TBXAS1: variants seen among roughly 807,000 people sequenced by gnomAD.
TBXAS1 encodes the protein thromboxane-A synthase.
Under a neutral mutation model 60.7 loss-of-function variants are expected in TBXAS1, and 48 were observed. The ratio of observed to expected loss-of-function variants is 0.79; its 90% CI spans 0.63 to 1.01. TBXAS1 has a LOEUF of 1.01. TBXAS1 is among the 50% of genes least tolerant of loss of function. The probability of loss-of-function intolerance (pLI) is 0.00; values close to 1 mark genes in which losing one functional copy is unlikely to be tolerated. For synonymous variants in TBXAS1, 287 were observed against 269.7 expected, an observed-to-expected ratio of 1.06 and a Z score of -0.63; for missense variants, 685 against 686.3, an observed-to-expected ratio of 1.00 and a Z score of 0.02.
chr7:139,850,167 C>T (rs192496692), intron 1 of TBXAS1, among the ~76,000 whole-genome samples: 11 of 152,296 alleles, frequency 7.2e-5, no homozygotes, highest in Middle Eastern at 3.4e-3. Context: ...CTTGCCTCCA[C>T]GCTCCTTCTC....
chr7:140,001,918 TCA>T (rs1039049886), intron 9 of TBXAS1, among the ~76,000 whole-genome samples: 7 of 152,206 alleles, frequency 4.6e-5, no homozygotes, highest in African/African-American at 1.7e-4. Flanking sequence ...CGCTTCCTCC[TCA>T]CAGAGTCCCT....
chr7:139,894,457 A>G (rs1287416857), intron 3 of TBXAS1, among the ~76,000 whole-genome samples: 3 of 151,946 alleles, frequency 2.0e-5, no homozygotes, highest in African/African-American at 7.3e-5. Flanking sequence ...CCACTTAGAA[A>G]CCAACCCAGG....
chr7:139,952,913 A>G (rs1266096489), intron 5 of TBXAS1, among the ~76,000 whole-genome samples: 1 of 152,246 alleles, frequency 6.6e-6, no homozygotes, highest in Non-Finnish European at 1.5e-5. Context: ...TCCTTTGGAT[A>G]CTAAGATTCA....
intron 4 of TBXAS1, among the ~76,000 whole-genome samples, chr7:139,798,676 C>T (rs1046677807): frequency 1.3e-5 from 2 of 152,144 alleles, no homozygotes; most frequent in Non-Finnish European, 2.9e-5. Context: ...TCATACCAAC[C>T]ATAATTCATG....
At chr7:139,978,821 G>A (rs1041051171) in intron 9 of TBXAS1, among the ~76,000 whole-genome samples, 1 of 151,774 alleles carries the variant, frequency 6.6e-6, no homozygotes, top group Admixed American at 6.6e-5. Context: ...TGAGGCTGGT[G>A]GTGCGTGCTC....
chr7:140,010,975 C>CAA (rs557900360), intron 10 of TBXAS1, among the ~76,000 whole-genome samples: 48 of 135,638 alleles, frequency 3.5e-4, no homozygotes, highest in African/African-American at 5.4e-4. Flanking sequence ...AAAACAAAAC[C>CAA]AAAAAAAAAA....
At chr7:139,981,259 C>T (rs1281017587) in intron 9 of TBXAS1, among the ~76,000 whole-genome samples, 1 of 152,128 alleles carries the variant, frequency 6.6e-6, no homozygotes, top group Non-Finnish European at 1.5e-5. Context: ...AGGCTTGTAC[C>T]ACCCATGCCC....
At chr7:139,867,362 G>A (rs1801497397) in intron 1 of TBXAS1, among the ~76,000 whole-genome samples, 1 of 152,198 alleles carries the variant, frequency 6.6e-6, no homozygotes, top group Non-Finnish European at 1.5e-5. Flanking sequence ...GCACACCACA[G>A]GAGAAGCCAA....
At chr7:139,872,376 C>T (rs1316714342) in intron 2 of TBXAS1, 48 bp downstream of exon 2, 3 of 1,565,634 alleles carry the variant, frequency 1.9e-6, no homozygotes, top group Non-Finnish European at 1.8e-6. Flanking sequence ...TGCTGAGGGC[C>T]AGGCACAGTG....
At position 139,890,648 on chromosome 7, in the gene TBXAS1, C is replaced by T. The variant is rs544822820; in HGVS notation, c.236+15011C>T. 7.9e-5 allele frequency among the ~76,000 whole-genome samples: 12 copies of T among 152,278 alleles called. No homozygotes were observed. In the South Asian group the frequency reaches 2.3e-3, roughly 29 times the overall value. On this transcript the variant is annotated intron_variant, in intron 3 of 12. Coordinates refer to ENST00000448866, the MANE Select transcript of TBXAS1 (RefSeq NM_001061.7). ...AGCATTTTACTCCTAAAGAATTCCC[C>T]ATAAAAGACAACCATTAATAGAAAT...
Position 140,013,114 on chromosome 7 carries a change from A to C in TBXAS1, c.1227-2609A>C, listed in dbSNP as rs916704452. Among the ~76,000 whole-genome samples the C allele has an allele frequency of 2.4e-4, 37 of 151,970 alleles. No homozygotes were observed. Among genetic ancestry groups the C allele is most frequent in the African/African-American group, 8.9e-4 (37 of 41,366 alleles). Reference sequence around the variant, plus strand: ...AAAAAAAAAAAAAGAAATTGGGGCAAGATGTATGACATAACAATTTAGGAA... The same window carrying C: ...AAAAAAAAAAAAAGAAATTGGGGCACGATGTATGACATAACAATTTAGGAA... On this transcript the variant is annotated intron_variant, in intron 10 of 12. Coordinates refer to ENST00000448866, the MANE Select transcript of TBXAS1 (RefSeq NM_001061.7). This position sits in a 1 kb window ranked among gnomAD's most constrained non-coding sequence, Gnocchi z 4.2.
chr7:139,871,623 T>C (rs1801831522), intron 1 of TBXAS1, among the ~76,000 whole-genome samples: 1 of 152,220 alleles, frequency 6.6e-6, no homozygotes, highest in African/African-American at 2.4e-5. Flanking sequence ...TAAGAAAATA[T>C]GCTTCCCATA....
At chr7:139,935,616 A>G (rs1028950785) in intron 4 of TBXAS1, among the ~76,000 whole-genome samples, 1 of 151,720 alleles carries the variant, frequency 6.6e-6, no homozygotes, top group Non-Finnish European at 1.5e-5. Context: ...AAAATGAATG[A>G]CCAATAGAAC....
At chr7:139,950,037 A>AT (rs3082651) in intron 5 of TBXAS1, among the ~76,000 whole-genome samples, 1,433 of 103,492 alleles carry the variant, frequency 0.014, 17 homozygotes, top group Non-Finnish European at 0.019. Context: ...AGGTGATGGG[A>AT]TTTTTTTTTT....
intron 9 of TBXAS1, among the ~76,000 whole-genome samples, chr7:139,978,312 T>C (rs1811702702): frequency 6.6e-6 from 1 of 151,730 alleles, no homozygotes; most frequent in Admixed American, 6.6e-5. Context: ...GAGTTCGAGA[T>C]CAGCCTGGTC....
intron 4 of TBXAS1, among the ~76,000 whole-genome samples, chr7:139,812,608 G>T (rs1798045458): frequency 6.6e-6 from 1 of 152,076 alleles, no homozygotes. Flanking sequence ...GAGTTGAGGG[G>T]ACTTGCAAGA....
At chr7:139,839,419 C>G (rs2267679) in intron 1 of TBXAS1, among the ~76,000 whole-genome samples, 3 of 151,912 alleles carry the variant, frequency 2.0e-5, no homozygotes, top group Admixed American at 2.0e-4. Context: ...GCTGATGAAG[C>G]GGCAAGGAAG....
intron 1 of TBXAS1, among the ~76,000 whole-genome samples, chr7:139,839,299 TA>T (rs1482484180): frequency 6.6e-6 from 1 of 152,184 alleles, no homozygotes; most frequent in Non-Finnish European, 1.5e-5. Context: ...TGCTCCCTTC[TA>T]GTGGTGAAGG....
intron 1 of TBXAS1, among the ~76,000 whole-genome samples, chr7:139,846,604 G>C (rs1799821696): frequency 6.6e-6 from 1 of 152,244 alleles, no homozygotes; most frequent in South Asian, 2.1e-4. Context: ...TTTTTATTTT[G>C]TTTATCTAGT....
Sources: gnomAD v4.1 joint callset for allele counts (sites outside exome capture counted in the v4.1 genomes callset) on GRCh38, gnomAD v4.1.1 for gene constraint, Gnocchi (gnomAD v3.1) non-coding constraint, MANE v1.5 for transcripts, NCBI Gene and HGNC (gene_info 2026-07-23, HGNC 2026-07-21) for gene names.